Variants in ZRANB3 observed in about 807,000 individuals in gnomAD.
ZRANB3 encodes the protein zinc finger RANBP2-type containing 3, also known as DNA annealing helicase and endonuclease ZRANB3.
ZRANB3 carries 125 observed loss-of-function variants against 133.8 expected under a neutral mutation model. The ratio of observed to expected loss-of-function variants is 0.93; its 90% CI spans 0.81 to 1.08. ZRANB3 has a LOEUF of 1.08. Among genes scored for constraint, ZRANB3 ranks in the 50% least tolerant of loss-of-function variants. ZRANB3 has a pLI of 0.00. For missense variants in ZRANB3, 1,229 were observed against 1,275.5 expected, an observed-to-expected ratio of 0.96 and a Z score of 0.56; for synonymous variants, 387 against 432.7, an observed-to-expected ratio of 0.89 and a Z score of 1.31.
intron 8 of ZRANB3, among the ~76,000 whole-genome samples, chr2:135,281,618 G>A (rs1681106419): frequency 6.6e-6 from 1 of 152,156 alleles, no homozygotes; most frequent in Admixed American, 6.5e-5. Context: ...GCTGTTGAGG[G>A]CAAGCAGTGA....
Position 135,230,524 on chromosome 2 carries a change from T to G in ZRANB3, c.1943A>C (p.Gln648Pro). The change falls in exon 13 of 21, where the codon CAA (glutamine) becomes CCA (proline). Residue 648 changes from glutamine to proline, a missense_variant. By Grantham distance (76) the Gln-to-Pro change is moderately conservative (BLOSUM62 -1). Transcript: ENST00000264159. ...LPYCEMCETP[Q>P]GSAVMQIDSL... is the part of the protein sequence containing the mutation. ...TTCTATATACTCACCAGCACTGCCTTGAGGAGTCTCACACATTTCACAATA... is the reference window on the plus strand; with the variant it reads ...TTCTATATACTCACCAGCACTGCCTGGAGGAGTCTCACACATTTCACAATA... The G allele has an allele frequency of 6.5e-7, 1 of 1,539,168 alleles. No homozygotes were observed.
chr2:135,341,264 G>A lies in ZRANB3; in HGVS notation c.677+4286C>T, dbSNP rs940377196. On this transcript the variant is annotated intron_variant, in intron 6 of 20. Transcript: ENST00000264159. ...AGGATGGTCTCGATCTCTGGATCTC[G>A]TGATCTGTTGCGGGAAGTCAGGGAC... Among the ~76,000 whole-genome samples the A allele has an allele frequency of 5.3e-5, 8 of 149,778 alleles. 1 individual carries two copies. Among genetic ancestry groups the A allele is most frequent in the African/African-American group, 2.0e-4 (8 of 39,154 alleles).
At chr2:135,494,163 A>AAGGGAGGGAGAGGG (rs1692549999) in intron 2 of ZRANB3, among the ~76,000 whole-genome samples, 2 of 43,214 alleles carry the variant, frequency 4.6e-5, no homozygotes, top group African/African-American at 2.9e-4. Flanking sequence ...GGAAGGAAGG[A>AAGGGAGGGAGAGGG]AGGGAGGGAG....
chr2:135,504,932 G>A (rs1248955305), intron 1 of ZRANB3, among the ~76,000 whole-genome samples: 1 of 151,914 alleles, frequency 6.6e-6, no homozygotes, highest in Non-Finnish European at 1.5e-5. Flanking sequence ...GTGAGGTAAA[G>A]CTACATTTAA....
intron 1 of ZRANB3, among the ~76,000 whole-genome samples, chr2:135,522,185 C>T (rs1429723562): frequency 1.3e-5 from 2 of 152,218 alleles, no homozygotes; most frequent in Middle Eastern, 3.2e-3. Context: ...AGGAAATTCA[C>T]AGAAACCGCC....
At chr2:135,362,929 A>G (rs1279434949) in intron 3 of ZRANB3, among the ~76,000 whole-genome samples, 1 of 152,244 alleles carries the variant, frequency 6.6e-6, no homozygotes, top group Non-Finnish European at 1.5e-5. Context: ...AATGTCATCA[A>G]CTGATAAATC....
intron 12 of ZRANB3, among the ~76,000 whole-genome samples, chr2:135,254,909 C>T (rs1679579827): frequency 6.6e-6 from 1 of 151,992 alleles, no homozygotes; most frequent in African/African-American, 2.4e-5. Context: ...CACCGCCACA[C>T]CTAGCTAATT....
chr2:135,302,395 C>T (rs974919326), intron 8 of ZRANB3, among the ~76,000 whole-genome samples: 3 of 152,130 alleles, frequency 2.0e-5, no homozygotes, highest in Non-Finnish European at 1.5e-5. Flanking sequence ...CTTCTGCTGC[C>T]ATTAATCTTT....
intron 4 of ZRANB3, among the ~76,000 whole-genome samples, chr2:135,352,452 C>T (rs978911211): frequency 4.0e-5 from 6 of 151,826 alleles, no homozygotes; most frequent in African/African-American, 1.5e-4. Context: ...CAATTTCATT[C>T]AGTTTTATTG....
intron 2 of ZRANB3, among the ~76,000 whole-genome samples, chr2:135,417,844 G>GTAAACT: frequency 1.3e-5 from 2 of 152,230 alleles, no homozygotes; most frequent in Middle Eastern, 6.8e-3. Context: ...ATCACTCTCA[G>GTAAACT]TAAACTATCG....
chr2:135,207,917 AGT>A, intron 18 of ZRANB3, 81 bp from the exon 19 acceptor site: 7 of 1,343,230 alleles, frequency 5.2e-6, no homozygotes, highest in Non-Finnish European at 7.0e-6. Flanking sequence ...AGGTTATCAA[AGT>A]TTCAATACGG....
chr2:135,429,003 T>C (rs972753948), intron 2 of ZRANB3, among the ~76,000 whole-genome samples: 6 of 152,290 alleles, frequency 3.9e-5, no homozygotes, highest in African/African-American at 1.4e-4. Flanking sequence ...TAAAACAGAA[T>C]TACCATCTGA....
chr2:135,243,785 A>AT (rs979026513), intron 12 of ZRANB3, among the ~76,000 whole-genome samples: 7 of 151,892 alleles, frequency 4.6e-5, no homozygotes, highest in African/African-American at 1.7e-4. Flanking sequence ...TGTCTGGTTA[A>AT]TTTTTGTTGT....
At chr2:135,416,511 A>G (rs1248303402) in intron 2 of ZRANB3, among the ~76,000 whole-genome samples, 2 of 151,986 alleles carry the variant, frequency 1.3e-5, no homozygotes, top group African/African-American at 4.8e-5. Context: ...AAGAATCAAT[A>G]TCGTGAAAAT....
chr2:135,524,347 G>T (rs1694065458), intron 1 of ZRANB3, among the ~76,000 whole-genome samples: 1 of 152,140 alleles, frequency 6.6e-6, no homozygotes, highest in African/African-American at 2.4e-5. Context: ...CTCCCAAAGT[G>T]CTGGGATTAC....
intron 2 of ZRANB3, among the ~76,000 whole-genome samples, chr2:135,435,844 CTT>C (rs913375454): frequency 7.9e-5 from 12 of 152,034 alleles, no homozygotes; most frequent in African/African-American, 2.6e-4. Context: ...TTATTTTTCT[CTT>C]GTGAATTTTT....
chr2:135,254,903 G>A lies in ZRANB3; in HGVS notation c.1539+10631C>T, dbSNP rs528556805. On this transcript the variant is annotated intron_variant, in intron 12 of 20. Coordinates refer to ENST00000264159, the MANE Select transcript of ZRANB3 (RefSeq NM_032143.4). ...GCAGCTGGGACTACAGGCACACACC[G>A]CCACACCTAGCTAATTTTTTTGTAT... 2.3e-3 allele frequency among the ~76,000 whole-genome samples: 348 copies of A among 151,664 alleles called. 1 individual carries two copies. The highest frequency in any genetic ancestry group is 3.0e-3 in the African/African-American group (122 of 41,328).
chr2:135,484,564 G>T (rs571134229), intron 2 of ZRANB3, among the ~76,000 whole-genome samples: 1 of 151,946 alleles, frequency 6.6e-6, no homozygotes, highest in African/African-American at 2.4e-5. Flanking sequence ...ATGGAGCAGA[G>T]ATTCAAAGAT....
In ZRANB3 at chr2:135,529,730, G is replaced by A. The variant is rs369588463; in HGVS notation, c.-8+1397C>T. Reference sequence around the variant, plus strand: ...AGATTTCACCATGTTGCCCAGGCTGGTCTCGAACTCCTGACCTCAAGTAAT... The same window carrying A: ...AGATTTCACCATGTTGCCCAGGCTGATCTCGAACTCCTGACCTCAAGTAAT... On this transcript the variant is annotated intron_variant, in intron 1 of 20. Coordinates refer to ENST00000264159, the MANE Select transcript of ZRANB3 (RefSeq NM_032143.4). Among the ~76,000 whole-genome samples, 3 of 151,634 alleles carry A rather than the reference G, an allele frequency of 2.0e-5. No individual in the cohort carries two copies. The East Asian group carries it at 6.0e-4, about 30-fold the overall frequency.
Sources: gnomAD v4.1 joint callset for allele counts (sites outside exome capture counted in the v4.1 genomes callset) on GRCh38, gnomAD v4.1.1 for gene constraint, MANE v1.5 for transcripts, NCBI Gene and HGNC (gene_info 2026-07-23, HGNC 2026-07-21) for gene names.